The following ZNRF2 variants were observed in gnomAD, a reference collection of about 807,000 sequenced individuals.
The protein encoded by ZNRF2 is E3 ubiquitin-protein ligase ZNRF2.
ZNRF2 carries 16 observed loss-of-function variants against 20.4 expected under a neutral mutation model. The ratio of observed to expected loss-of-function variants is 0.79; its 90% confidence interval spans 0.53 to 1.19. The LOEUF is 1.19. Among genes scored for constraint, ZNRF2 ranks in the 50% most tolerant of loss-of-function variants. The pLI is 0.00. For synonymous variants in ZNRF2, 178 were observed against 144.9 expected (o/e 1.23, Z -1.64); for missense variants, 363 against 332.4 (o/e 1.09, Z -0.72).
chr7:30,319,405 G>T (rs769985184), intron 1 of ZNRF2, among the ~76,000 whole-genome samples: 2 of 152,168 alleles, frequency 1.3e-5, no homozygotes, highest in Non-Finnish European at 2.9e-5. Flanking sequence ...TGTGTAAGTA[G>T]TAGTATCAGT....
At chr7:30,301,712 A>C (rs1033537923) in intron 1 of ZNRF2, among the ~76,000 whole-genome samples, 56 of 151,724 alleles carry the variant, frequency 3.7e-4, no homozygotes, top group East Asian at 7.7e-4. Flanking sequence ...AAAAAAAAAA[A>C]AAAAAAAAAA....
intron 1 of ZNRF2, among the ~76,000 whole-genome samples, chr7:30,303,457 G>T (rs1799151722): frequency 6.6e-6 from 1 of 152,136 alleles, no homozygotes; most frequent in Admixed American, 6.5e-5. Flanking sequence ...TTCTGATTGA[G>T]TAGTTTTGGG....
chr7:30,326,369 C>A (rs1251767244), intron 2 of ZNRF2, among the ~76,000 whole-genome samples: 2 of 152,156 alleles, frequency 1.3e-5, no homozygotes, highest in East Asian at 1.9e-4. Context: ...CTCCCACTTA[C>A]AAGTGAGAAC....
At chr7:30,320,707 C>T (rs1034845658) in intron 1 of ZNRF2, among the ~76,000 whole-genome samples, 1 of 152,128 alleles carries the variant, frequency 6.6e-6, no homozygotes, top group Non-Finnish European at 1.5e-5. Flanking sequence ...GCATTTTCAA[C>T]TGAAGATATT....
chr7:30,336,180 G>T lies in ZNRF2; in HGVS notation c.565+12443G>T, dbSNP rs1395622217. Among the ~76,000 whole-genome samples, 9 of 152,272 alleles carry T rather than the reference G, an allele frequency of 5.9e-5. No individual in the cohort carries two copies. In the East Asian group the frequency reaches 1.7e-3, roughly 29 times the overall value. On this transcript the variant is annotated intron_variant, in intron 2 of 4. Transcript: ENST00000323037. ...TTTTAGAGAAGATTGGTAAAGAAATGGCTTGTGAATATTTTTCCAATGACT... is the reference window on the plus strand; with the variant it reads ...TTTTAGAGAAGATTGGTAAAGAAATTGCTTGTGAATATTTTTCCAATGACT...
At chr7:30,328,062 A>G (rs1799581155) in intron 2 of ZNRF2, among the ~76,000 whole-genome samples, 1 of 152,168 alleles carries the variant, frequency 6.6e-6, no homozygotes, top group East Asian at 1.9e-4. Flanking sequence ...TTGGAGGGTT[A>G]CAGAGAGGTG....
intron 1 of ZNRF2, among the ~76,000 whole-genome samples, chr7:30,320,193 CTA>C (rs1384841741): frequency 6.6e-6 from 1 of 151,924 alleles, no homozygotes; most frequent in African/African-American, 2.4e-5. Flanking sequence ...AAATAATTAT[CTA>C]TATATGTTAT....
chr7:30,308,641 A>G (rs1005406938), intron 1 of ZNRF2, among the ~76,000 whole-genome samples: 1 of 152,208 alleles, frequency 6.6e-6, no homozygotes, highest in Non-Finnish European at 1.5e-5. Flanking sequence ...GTCATAGGTT[A>G]TGTATACCTT....
At chr7:30,346,170 A>ATTTTTTTTTTTTTTTTTTT (rs70980598) in intron 2 of ZNRF2, among the ~76,000 whole-genome samples, 1 of 23,704 alleles carries the variant, frequency 4.2e-5, no homozygotes, top group Non-Finnish European at 9.8e-5. Flanking sequence ...GTTAAGTCTG[A>ATTTTTTTTTTTTTTTTTTT]TTTTTTTTTT....
intron 1 of ZNRF2, among the ~76,000 whole-genome samples, chr7:30,289,170 G>A (rs1423068851): frequency 6.6e-6 from 1 of 152,138 alleles, no homozygotes; most frequent in Non-Finnish European, 1.5e-5. Context: ...AGCTTTTTTG[G>A]GTGTGGCTTG....
At chr7:30,352,267 G>A (rs1168758644) in intron 2 of ZNRF2, among the ~76,000 whole-genome samples, 1 of 151,910 alleles carries the variant, frequency 6.6e-6, no homozygotes, top group Non-Finnish European at 1.5e-5. Context: ...GCTATTCTTT[G>A]ATAGCAGTCG....
At chr7:30,357,227 A>C (rs149153460) in intron 3 of ZNRF2, among the ~76,000 whole-genome samples, 1 of 152,346 alleles carries the variant, frequency 6.6e-6, no homozygotes, top group East Asian at 1.9e-4. Flanking sequence ...TCAACCACAC[A>C]TGAAGTATTA....
intron 3 of ZNRF2, among the ~76,000 whole-genome samples, chr7:30,358,853 A>G (rs1167716669): frequency 6.6e-6 from 1 of 152,158 alleles, no homozygotes; most frequent in East Asian, 1.9e-4. Context: ...ATCTTGGTCA[A>G]GTTGTTTTTT....
At chr7:30,332,645 G>A (rs1799653691) in intron 2 of ZNRF2, among the ~76,000 whole-genome samples, 2 of 152,066 alleles carry the variant, frequency 1.3e-5, no homozygotes, top group Non-Finnish European at 2.9e-5. Context: ...CTGTTTCTGC[G>A]TTAATTTACT....
intron 2 of ZNRF2, among the ~76,000 whole-genome samples, chr7:30,350,795 A>G (rs771322441): frequency 3.3e-5 from 5 of 151,916 alleles, no homozygotes; most frequent in Non-Finnish European, 7.4e-5. Flanking sequence ...TTTGTTTTCT[A>G]CTGCTATCAT....
At chr7:30,317,022 A>T (rs1799386249) in intron 1 of ZNRF2, among the ~76,000 whole-genome samples, 1 of 152,078 alleles carries the variant, frequency 6.6e-6, no homozygotes. Context: ...GGCATGTTTA[A>T]AACAATTTTA....
At chr7:30,351,338 C>G (rs1189865238) in intron 2 of ZNRF2, among the ~76,000 whole-genome samples, 3 of 151,878 alleles carry the variant, frequency 2.0e-5, no homozygotes, top group Non-Finnish European at 2.9e-5. Flanking sequence ...TGTTTTCAGG[C>G]CATATGTGGC....
At chr7:30,301,406 C>G (rs1486318626) in intron 1 of ZNRF2, among the ~76,000 whole-genome samples, 2 of 152,050 alleles carry the variant, frequency 1.3e-5, no homozygotes, top group African/African-American at 4.8e-5. Context: ...TCGCTTAAAC[C>G]CGGGTGGTGG....
chr7:30,332,398 G>C (rs1799647745), intron 2 of ZNRF2, among the ~76,000 whole-genome samples: 1 of 152,080 alleles, frequency 6.6e-6, no homozygotes, highest in African/African-American at 2.4e-5. Flanking sequence ...GAGGAGGTGG[G>C]GTACATGTGC....
Sources: gnomAD v4.1 joint callset for allele counts (sites outside exome capture counted in the v4.1 genomes callset) on GRCh38, gnomAD v4.1.1 for gene constraint, MANE v1.5 for transcripts, NCBI Gene and HGNC (gene_info 2026-07-23, HGNC 2026-07-21) for gene names.